Variants in CMIP observed in about 807,000 individuals in gnomAD.
The protein encoded by CMIP is c-Maf inducing protein.
In CMIP, 13 loss-of-function variants were observed where a neutral mutation model predicts 97.3. The observed-to-expected ratio is 0.13, with a 90% CI of 0.09 to 0.21. The LOEUF (loss-of-function observed/expected upper bound fraction) is 0.21, where lower values mean the gene tolerates loss of function less well. Among genes scored for constraint, CMIP ranks in the 10% least tolerant of loss-of-function variants. The pLI is 1.00. For missense variants in CMIP, 847 were observed against 1,024.9 expected (o/e 0.83, Z 2.37); for synonymous variants, 538 against 436.3 (o/e 1.23, Z -2.91).
intron 1 of CMIP, among the ~76,000 whole-genome samples, chr16:81,530,061 C>T (rs1400929096): frequency 1.3e-5 from 2 of 152,290 alleles, no homozygotes; most frequent in African/African-American, 2.4e-5. Flanking sequence ...ATCATCACTG[C>T]GTGAAAACCT....
intron 1 of CMIP, among the ~76,000 whole-genome samples, chr16:81,509,066 A>G (rs950916165): frequency 1.3e-5 from 2 of 152,076 alleles, no homozygotes; most frequent in Non-Finnish European, 2.9e-5. Context: ...CATTCATTTT[A>G]TTTTTTTCAA....
intron 7 of CMIP, chr16:81,664,766 G>T: frequency 2.8e-6 from 1 of 357,074 alleles, no homozygotes; most frequent in East Asian, 4.2e-5. Flanking sequence ...GGAGAAACCA[G>T]ACACACTCAG....
chr16:81,613,606 C>G (rs1307247084), intron 2 of CMIP, among the ~76,000 whole-genome samples: 1 of 152,208 alleles, frequency 6.6e-6, no homozygotes, highest in East Asian at 1.9e-4. Context: ...AAATACTTAG[C>G]ACTGTGCCTG....
chr16:81,537,841 T>G (rs575346253), intron 1 of CMIP, among the ~76,000 whole-genome samples: 14 of 151,558 alleles, frequency 9.2e-5, no homozygotes, highest in Non-Finnish European at 1.5e-4. Context: ...AGCAAGAGAT[T>G]GGGGTGGTGG....
Position 81,660,869 on chromosome 16 carries a change from T to C in CMIP, c.682-15T>C. On this transcript the variant is annotated splice_polypyrimidine_tract_variant and intron_variant, in intron 5 of 20. Transcript: ENST00000537098. ...TCTACCCCACGGTTCCTGATGCTTG[T>C]TTGTTGTGTTTCAGGCAATCGCTCC... The C allele has an allele frequency of 6.2e-7, 1 of 1,614,032 alleles. No homozygotes were observed. The highest frequency in any genetic ancestry group is 2.2e-5 in the East Asian group (1 of 44,880).
chr16:81,701,776 C>T lies in CMIP; in HGVS notation c.1872C>T (p.Asp624=), dbSNP rs370169913. 86 of 1,613,640 alleles carry T rather than the reference C, an allele frequency of 5.3e-5. No individual in the cohort carries two copies. Among genetic ancestry groups the T allele is most frequent in the Non-Finnish European group, 7.0e-5 (83 of 1,179,868 alleles). The change falls in exon 16 of 21, where the codon GAC becomes GAT. Residue 624 remains aspartate, a synonymous_variant. Coordinates refer to ENST00000537098, the MANE Select transcript of CMIP (RefSeq NM_198390.3). ...VGKRMYEQLC[D]RQRELKELQR... ...AGCGCATGTACGAGCAGCTGTGTGA[C>T]CGGCAGCGGGAGCTGAAGGAGCTGG...
chr16:81,609,488 A>G (rs1245861880), intron 2 of CMIP, among the ~76,000 whole-genome samples: 1 of 152,232 alleles, frequency 6.6e-6, no homozygotes. Flanking sequence ...GCTTTGAGGC[A>G]GCCTCTCCCC....
intron 17 of CMIP, 120 bp downstream of exon 17, chr16:81,702,789 AC>A: frequency 2.4e-6 from 2 of 825,102 alleles, no homozygotes; most frequent in East Asian, 5.4e-5. Flanking sequence ...GGGCACAAGG[AC>A]CCCCTAGTAC....
At chr16:81,571,449 T>C in intron 1 of CMIP, among the ~76,000 whole-genome samples, 1 of 151,820 alleles carries the variant, frequency 6.6e-6, no homozygotes, top group African/African-American at 2.4e-5. Context: ...GCCTGGATAA[T>C]AGAGTGAGAC....
chr16:81,514,239 G>A (rs2089867823), intron 1 of CMIP, among the ~76,000 whole-genome samples: 1 of 152,216 alleles, frequency 6.6e-6, no homozygotes, highest in African/African-American at 2.4e-5. Context: ...AGCCCATGCA[G>A]TTGGAGGGGT....
chr16:81,583,045 G>A (rs1037880869), intron 1 of CMIP, among the ~76,000 whole-genome samples: 1 of 152,164 alleles, frequency 6.6e-6, no homozygotes, highest in Non-Finnish European at 1.5e-5. Context: ...GAAAGAAGGA[G>A]TGTTTCTATC....
intron 1 of CMIP, among the ~76,000 whole-genome samples, chr16:81,530,876 C>T (rs1254437846): frequency 6.6e-6 from 1 of 152,162 alleles, no homozygotes; most frequent in East Asian, 1.9e-4. Context: ...CTCTACCGTC[C>T]CAGGGAGAAT....
chr16:81,460,524 G>A (rs1438110797), intron 1 of CMIP, among the ~76,000 whole-genome samples: 3 of 152,182 alleles, frequency 2.0e-5, no homozygotes, highest in Non-Finnish European at 2.9e-5. Flanking sequence ...GGCCCAGGAA[G>A]CCCCTCAGTC....
chr16:81,589,163 C>G (rs1021603775), intron 1 of CMIP, among the ~76,000 whole-genome samples: 1 of 151,578 alleles, frequency 6.6e-6, no homozygotes, highest in East Asian at 1.9e-4. Flanking sequence ...GTGGCGTGAT[C>G]TCGGCTCACT....
At chr16:81,666,252 T>C (rs971087878) in intron 7 of CMIP, 2 of 152,210 alleles carry the variant, frequency 1.3e-5, no homozygotes, top group African/African-American at 4.8e-5. Flanking sequence ...GCAAAGGTTC[T>C]TCAGGTTTTC....
At chr16:81,666,958 C>G (rs1287799232) in intron 7 of CMIP, 2 of 125,622 alleles carry the variant, frequency 1.6e-5, no homozygotes, top group Admixed American at 8.4e-5. Flanking sequence ...AGCTGGGGCT[C>G]TCAGCTGGTG....
intron 7 of CMIP, among the ~76,000 whole-genome samples, chr16:81,669,760 C>T (rs2092663670): frequency 1.3e-5 from 2 of 151,686 alleles, no homozygotes; most frequent in East Asian, 2.1e-4. Flanking sequence ...TCTTCTCCTT[C>T]CACACCCACC....
intron 1 of CMIP, among the ~76,000 whole-genome samples, chr16:81,492,983 G>A (rs1400258372): frequency 1.3e-5 from 2 of 152,124 alleles, no homozygotes; most frequent in Non-Finnish European, 2.9e-5. Context: ...TTAGTAGGAG[G>A]GCATTGCTCC....
Position 81,691,797 on chromosome 16 carries a change from C to A in CMIP, c.1411C>A (p.Pro471Thr), listed in dbSNP as rs1456730271. 1 of 1,613,926 alleles carries A rather than the reference C, an allele frequency of 6.2e-7. No individual in the cohort carries two copies. The highest frequency in any genetic ancestry group is 8.5e-7 in the Non-Finnish European group (1 of 1,179,836). Residue 471 changes from proline (P) to threonine (T), a missense_variant, in exon 11 of 21, where the codon CCG becomes ACG. Pro to Thr is a conservative substitution (Grantham distance 38). Transcript: ENST00000537098. ...TAGGTCAGACTATGATGACTGGAGACCGTCTCTGGCCAGTTTGCTTCAACC... is the reference window on the plus strand; with the variant it reads ...TAGGTCAGACTATGATGACTGGAGAACGTCTCTGGCCAGTTTGCTTCAACC... ...KLLSDYDDWR[P>T]SLASLLQPIP... is the part of the protein sequence containing the mutation.
Sources: gnomAD v4.1 joint callset for allele counts (sites outside exome capture counted in the v4.1 genomes callset) on GRCh38, gnomAD v4.1.1 for gene constraint, MANE v1.5 for transcripts, NCBI Gene and HGNC (gene_info 2026-07-23, HGNC 2026-07-21) for gene names.